Variants in AMMECR1 observed in about 807,000 individuals in gnomAD.
AMMECR1 encodes nuclear protein AMMECR1.
A neutral mutation model predicts 22.5 loss-of-function variants in AMMECR1; 3 were observed. That is an observed-to-expected ratio of 0.13 (90% CI 0.06 to 0.35). The LOEUF (loss-of-function observed/expected upper bound fraction) is 0.35. Ranked by LOEUF, AMMECR1 falls within the 10% of genes least tolerant of loss-of-function variation. AMMECR1 has a pLI of 1.00. For missense variants in AMMECR1, 235 were observed against 278.7 expected, an observed-to-expected ratio of 0.84 and a Z score of 1.12; for synonymous variants, 130 against 116.7, an observed-to-expected ratio of 1.11 and a Z score of -0.74.
intron 2 of AMMECR1, among the ~76,000 whole-genome samples, chrX:110,393,782 C>T (rs752069075): frequency 1.5e-4 from 17 of 112,653 alleles, no homozygotes; most frequent in Middle Eastern, 4.6e-3. Context: ...GACAGGATGG[C>T]GTCCTGACCA....
chrX:110,272,293 C>T (rs1445591700), intron 1 of AMMECR1, among the ~76,000 whole-genome samples: 1 of 111,078 alleles, frequency 9.0e-6, no homozygotes, highest in Non-Finnish European at 1.9e-5. Flanking sequence ...TCTTCCGATT[C>T]CTAAGCTAAA....
At chrX:110,215,999 T>C (rs1190587012) in intron 3 of AMMECR1, among the ~76,000 whole-genome samples, 2 of 112,334 alleles carry the variant, frequency 1.8e-5, no homozygotes, top group Non-Finnish European at 3.8e-5. Context: ...CTTAGTATTA[T>C]TTGTTAGAGT....
chrX:110,326,081 C>T (rs990809292), intron 2 of AMMECR1, among the ~76,000 whole-genome samples: 3 of 111,345 alleles, frequency 2.7e-5, no homozygotes, highest in African/African-American at 9.8e-5. Flanking sequence ...CCTCTACCTC[C>T]TGGGTTCAAG....
At chrX:110,415,779 A>G (rs2068673074) in intron 2 of AMMECR1, among the ~76,000 whole-genome samples, 1 of 111,462 alleles carries the variant, frequency 9.0e-6, no homozygotes, top group Non-Finnish European at 1.9e-5. Context: ...TCATTCCTTC[A>G]ATTTTGTCCT....
At chrX:110,266,737 G>A (rs12832760) in intron 1 of AMMECR1, among the ~76,000 whole-genome samples, 5 of 107,778 alleles carry the variant, frequency 4.6e-5, no homozygotes, top group African/African-American at 1.4e-4. Context: ...TGTGCAGAAC[G>A]CACAGTTTTG....
At chrX:110,434,655 G>A (rs2068823037) in intron 1 of AMMECR1, among the ~76,000 whole-genome samples, 1 of 111,538 alleles carries the variant, frequency 9.0e-6, no homozygotes, top group Non-Finnish European at 1.9e-5. Flanking sequence ...AGAGTGAGGG[G>A]AGACAGATGA....
chrX:110,384,066 ATTG>A (rs1156355014), intron 2 of AMMECR1, among the ~76,000 whole-genome samples: 2 of 112,137 alleles, frequency 1.8e-5, no homozygotes, highest in Admixed American at 1.9e-4. Flanking sequence ...CTATTGTTTT[ATTG>A]TTATCGTATA....
chrX:110,413,863 G>A, intron 2 of AMMECR1, among the ~76,000 whole-genome samples: 1 of 111,374 alleles, frequency 9.0e-6, no homozygotes, highest in East Asian at 2.8e-4. Flanking sequence ...ATATGTATGT[G>A]CCAGGCATAT....
At chrX:110,201,993 C>T (rs755888774) in intron 4 of AMMECR1, among the ~76,000 whole-genome samples, 1 of 111,912 alleles carries the variant, frequency 8.9e-6, no homozygotes, top group African/African-American at 3.2e-5. Flanking sequence ...TCGCAATCCT[C>T]TGATCTTAGT....
intron 2 of AMMECR1, among the ~76,000 whole-genome samples, chrX:110,369,060 C>T (rs960517879): frequency 6.2e-5 from 7 of 112,013 alleles, no homozygotes; most frequent in Non-Finnish European, 9.4e-5. Context: ...TGGCTGTGTG[C>T]GGTGGCTCAC....
At chrX:110,291,534 T>C (rs1043316538) in intron 1 of AMMECR1, among the ~76,000 whole-genome samples, 2 of 110,308 alleles carry the variant, frequency 1.8e-5, no homozygotes, top group Non-Finnish European at 3.8e-5. Flanking sequence ...TTAATAATAA[T>C]AATAACACAA....
At chrX:110,322,925 C>G (rs867476760), upstream of AMMECR1, among the ~76,000 whole-genome samples, 16 of 111,718 alleles carry the variant, frequency 1.4e-4, no homozygotes, top group African/African-American at 4.9e-4. Flanking sequence ...GCCAGATCCT[C>G]CATCTGGCCC....
At chrX:110,375,517 C>T (rs778188460) in intron 2 of AMMECR1, among the ~76,000 whole-genome samples, 1 of 109,435 alleles carries the variant, frequency 9.1e-6, no homozygotes, top group Non-Finnish European at 1.9e-5. Context: ...AGTAGGGGCT[C>T]AGTAAATATT....
In AMMECR1 at chrX:110,360,660, A is replaced by G. The variant is rs2068257303; in HGVS notation, c.-147-42811T>C. On this transcript the variant is annotated intron_variant, in intron 2 of 7. Transcript: ENST00000372057. ...ATAGTGATGCCATTCTTTAAGATAGAGAGCCCAGGAGAAGTAGAAAGATTT... is the reference window on the plus strand; with the variant it reads ...ATAGTGATGCCATTCTTTAAGATAGGGAGCCCAGGAGAAGTAGAAAGATTT... Among the ~76,000 whole-genome samples the G allele has an allele frequency of 1.8e-5, 2 of 111,828 alleles. 1 individual carries two copies. Among genetic ancestry groups the G allele is most frequent in the Admixed American group, 1.9e-4 (2 of 10,553 alleles).
upstream of AMMECR1, among the ~76,000 whole-genome samples, chrX:110,322,452 T>A (rs2068082674): frequency 8.9e-6 from 1 of 111,768 alleles, no homozygotes. Context: ...TCTGTACATA[T>A]ATTGGGGTTT....
At chrX:110,420,562 G>T (rs947897704) in intron 2 of AMMECR1, among the ~76,000 whole-genome samples, 1 of 111,818 alleles carries the variant, frequency 8.9e-6, no homozygotes, top group East Asian at 2.8e-4. Context: ...TTTTGTCATC[G>T]GTCTAAAAAG....
At chrX:110,372,389 G>GT (rs2068345432) in intron 2 of AMMECR1, among the ~76,000 whole-genome samples, 2 of 112,477 alleles carry the variant, frequency 1.8e-5, no homozygotes, top group African/African-American at 6.5e-5. Flanking sequence ...CGTGCTGGAA[G>GT]TAACAGTGGT....
chrX:110,304,428 T>C (rs906690963), intron 1 of AMMECR1, among the ~76,000 whole-genome samples: 20 of 112,385 alleles, frequency 1.8e-4, no homozygotes, highest in Non-Finnish European at 3.6e-4. Context: ...CATAACTTTG[T>C]AGCTAGACAA....
intron 2 of AMMECR1, among the ~76,000 whole-genome samples, chrX:110,346,197 T>A (rs1380380956): frequency 1.8e-5 from 2 of 112,275 alleles, no homozygotes; most frequent in Non-Finnish European, 3.8e-5. Flanking sequence ...TGTTTTATAA[T>A]CTCTATTGTA....
Sources: gnomAD v4.1 joint callset for allele counts (sites outside exome capture counted in the v4.1 genomes callset) on GRCh38, gnomAD v4.1.1 for gene constraint, MANE v1.5 for transcripts, NCBI Gene and HGNC (gene_info 2026-07-23, HGNC 2026-07-21) for gene names.